Variants in ASPM observed in about 807,000 individuals in gnomAD.
ASPM encodes assembly factor for spindle microtubules, also known as abnormal spindle-like microcephaly-associated protein.
Under a neutral mutation model 366.4 loss-of-function variants are expected in ASPM, and 256 were observed. The observed-to-expected ratio is 0.70, with a 90% CI of 0.63 to 0.77. The LOEUF is 0.77. Ranked by LOEUF, ASPM falls within the 30% of genes least tolerant of loss-of-function variation. ASPM has a pLI of 0.00. For missense variants in ASPM, 4,146 were observed against 4,090.4 expected, an observed-to-expected ratio of 1.01 and a Z score of -0.37; for synonymous variants, 1,414 against 1,342.9, an observed-to-expected ratio of 1.05 and a Z score of -1.16.
intron 1 of ASPM, among the ~76,000 whole-genome samples, chr1:197,144,619 A>G (rs1324636826): frequency 6.6e-6 from 1 of 152,174 alleles, no homozygotes; most frequent in Non-Finnish European, 1.5e-5. Context: ...TAATGCTAAC[A>G]TCCCTAGGAA....
intron 16 of ASPM, 124 bp downstream of exon 16, chr1:197,121,791 C>T (rs528254424): frequency 1.6e-6 from 2 of 1,233,214 alleles, no homozygotes; most frequent in African/African-American, 1.5e-5. Context: ...TACATATACA[C>T]AATTACTAAA....
rs574690700 is a variant in ASPM at position 197,141,661 on chromosome 1, A to T, written c.1921+670T>A. Among the ~76,000 whole-genome samples the T allele has an allele frequency of 2.3e-4, 35 of 152,180 alleles. 1 individual carries two copies. The highest frequency in any genetic ancestry group is 8.4e-4 in the African/African-American group (35 of 41,544). ...ATACTTCCTTGCAATTTACACACAA[A>T]CCCTCTGCTTCTGTGCTTCCTTAAT... is the stretch of plus-strand genomic sequence containing the variant. On this transcript the variant is annotated intron_variant, in intron 3 of 27. Coordinates refer to ENST00000367409, the MANE Select transcript of ASPM (RefSeq NM_018136.5).
chr1:197,146,301 C>T lies in ASPM; in HGVS notation c.137G>A (p.Arg46Lys). 1 of 1,614,088 alleles carries T rather than the reference C, an allele frequency of 6.2e-7. No individual in the cohort carries two copies. The highest frequency in any genetic ancestry group is 8.5e-7 in the Non-Finnish European group (1 of 1,180,030). ...GTCCCCGAAGCAAAGGAAAGGAGAC[C>T]TGCAGAAGTGGCTGAGAGACAGGAC... ...PPVLSLSHFC[R>K]SPFLCFGDVL... Residue 46 changes from arginine (R) to lysine (K), a missense_variant, in exon 1 of 28, where the codon AGG (arginine) becomes AAG (lysine). Transcript: ENST00000367409.
At chr1:197,087,061 T>A in intron 26 of ASPM, 89 bp from the exon 27 acceptor site, 1 of 1,249,722 alleles carries the variant, frequency 8.0e-7, no homozygotes, top group Non-Finnish European at 1.1e-6. Flanking sequence ...TAATAAAAAC[T>A]ATGCAGTAAA....
chr1:197,092,121 T>C (rs1408882308), intron 21 of ASPM, 65 bp from the exon 22 acceptor site: 7 of 1,531,324 alleles, frequency 4.6e-6, no homozygotes, highest in Non-Finnish European at 6.3e-6. Context: ...GAGTGTTTTT[T>C]TTTGTATAAC....
intron 18 of ASPM, among the ~76,000 whole-genome samples, chr1:197,097,745 A>G (rs1298073714): frequency 2.0e-5 from 3 of 151,724 alleles, no homozygotes; most frequent in African/African-American, 7.3e-5. Flanking sequence ...CTGTAACAGT[A>G]AAAGACTGGT....
chr1:197,103,740 G>C lies in ASPM; in HGVS notation c.5511C>G (p.Gly1837=). The part of the protein sequence containing the change: ...AALKIQSAFR[G]YNKRVKYQSV... Reference sequence around the variant, plus strand: ...ATTGATATTTTACCCTTTTATTATAGCCTCTAAAAGCAGACTGAATTTTAA... The same window carrying C: ...ATTGATATTTTACCCTTTTATTATACCCTCTAAAAGCAGACTGAATTTTAA... The change falls in exon 18 of 28, where the codon GGC becomes GGG. Residue 1837 remains glycine (G), a synonymous_variant. Coordinates refer to ENST00000367409, the MANE Select transcript of ASPM (RefSeq NM_018136.5). 6.2e-7 allele frequency: 1 copy of C among 1,612,562 alleles called. No individual in the cohort carries two copies.
At chr1:197,091,450 A>G (rs1395767550) in intron 22 of ASPM, among the ~76,000 whole-genome samples, 1 of 152,200 alleles carries the variant, frequency 6.6e-6, no homozygotes, top group East Asian at 1.9e-4. Context: ...CAGCCAATGG[A>G]AAAACGGGCA....
chr1:197,138,866 T>C, intron 4 of ASPM: 1 of 942,442 alleles, frequency 1.1e-6, no homozygotes, highest in Non-Finnish European at 1.7e-6. Flanking sequence ...GTTTTTTCTC[T>C]TCTTCGAGCT....
rs538303486 is a variant in ASPM at position 197,130,068 on chromosome 1, T to G, written c.2488-12A>C. 5.0e-5 allele frequency: 80 copies of G among 1,612,632 alleles called. No individual in the cohort carries two copies. In the South Asian group the frequency reaches 7.6e-4, roughly 15 times the overall value. On this transcript the variant is annotated splice_polypyrimidine_tract_variant and intron_variant, in intron 7 of 27. Transcript: ENST00000367409. ...TCTCCATAAGTTGTCTGAAAATAAA[T>G]TAAAGCCAAAGTCAGAATTATGCTA...
chr1:197,118,540 C>T (rs1657806960), intron 16 of ASPM, among the ~76,000 whole-genome samples: 1 of 152,054 alleles, frequency 6.6e-6, no homozygotes. Flanking sequence ...CATTTGTGGT[C>T]AAAGAGGACC....
At chr1:197,112,317 A>G (rs1355126680) in intron 17 of ASPM, among the ~76,000 whole-genome samples, 1 of 152,138 alleles carries the variant, frequency 6.6e-6, no homozygotes, top group East Asian at 1.9e-4. Context: ...ATGAGAAAAC[A>G]TGGACACACA....
chr1:197,110,931 A>T (rs1657565216), intron 17 of ASPM, among the ~76,000 whole-genome samples: 1 of 152,148 alleles, frequency 6.6e-6, no homozygotes, highest in South Asian at 2.1e-4. Flanking sequence ...CATACAAAAA[A>T]TTAATGCAAG....
chr1:197,140,408 AAAT>A (rs1287486415), intron 3 of ASPM, among the ~76,000 whole-genome samples: 1 of 152,230 alleles, frequency 6.6e-6, no homozygotes, highest in African/African-American at 2.4e-5. Context: ...ATAATATTCA[AAAT>A]AATAGTGGCA....
rs573347155 is a variant in ASPM at position 197,121,538 on chromosome 1, C to T, written c.3870+377G>A. On this transcript the variant is annotated intron_variant, in intron 16 of 27. Transcript: ENST00000367409. ...GCACTAGTTGAGGTCAAGCCTCATA[C>T]AGCACAGAATAAAAAATTAATGGAA... 3.9e-5 allele frequency among the ~76,000 whole-genome samples: 6 copies of T among 152,230 alleles called. No homozygotes were observed. The South Asian group carries it at 1.2e-3, about 32-fold the overall frequency.
At chr1:197,132,534 T>G (rs1299978114) in intron 6 of ASPM, among the ~76,000 whole-genome samples, 182 bp from the exon 7 acceptor site, 2 of 152,084 alleles carry the variant, frequency 1.3e-5, no homozygotes, top group African/African-American at 4.8e-5. Flanking sequence ...GTGGGATTTT[T>G]GGCAGCAAAG....
At chr1:197,137,556 A>G (rs1165727752) in intron 4 of ASPM, among the ~76,000 whole-genome samples, 1 of 152,128 alleles carries the variant, frequency 6.6e-6, no homozygotes, top group Non-Finnish European at 1.5e-5. Flanking sequence ...ATCTCTGTTC[A>G]CTGCACCTCT....
At chr1:197,139,236 C>A (rs1337731059) in intron 4 of ASPM, 1 of 910,206 alleles carries the variant, frequency 1.1e-6, no homozygotes, top group Non-Finnish European at 1.8e-6. Flanking sequence ...AGGCTAGTGA[C>A]GGCCTCTGAC....
chr1:197,117,910 C>T lies in ASPM; in HGVS notation c.3944G>A (p.Arg1315Lys). 12 of 1,613,514 alleles carry T rather than the reference C, an allele frequency of 7.4e-6. No individual in the cohort carries two copies. The highest frequency in any genetic ancestry group is 1.0e-5 in the Non-Finnish European group (12 of 1,179,588). ...NFLAKQRLRK[R>K]VNAALVIQKY... is the part of the protein sequence containing the mutation. ...CTGAATGACGAGTGCTGCATTAACT[C>T]TTTTTCTCAATCTTTGTTTTGCTAG... The change falls in exon 17 of 28, where the codon AGA becomes AAA. Residue 1315 changes from arginine to lysine, a missense_variant. Physicochemically the swap from Arg to Lys is conservative, Grantham distance 26. Around this residue, in one of 3 missense-constraint regions of ASPM, gnomAD observed 3,624 missense variants for 3,591.7 expected, o/e 1.01. Coordinates refer to ENST00000367409, the MANE Select transcript of ASPM (RefSeq NM_018136.5).
Sources: gnomAD v4.1 joint callset for allele counts (sites outside exome capture counted in the v4.1 genomes callset) on GRCh38, gnomAD v4.1.1 for gene constraint, gnomAD v4.1.1 regional missense constraint, MANE v1.5 for transcripts, NCBI Gene and HGNC (gene_info 2026-07-23, HGNC 2026-07-21) for gene names.